The following AKAP13 variants were observed in gnomAD, a reference collection of about 807,000 sequenced individuals.
The protein encoded by AKAP13 is A-kinase anchor protein 13.
AKAP13 carries 80 observed loss-of-function variants against 264.5 expected under a neutral mutation model. That is an observed-to-expected ratio of 0.30 (90% CI 0.25 to 0.36). AKAP13 has a LOEUF of 0.36. AKAP13 is among the 10% of genes least tolerant of loss of function. The pLI, the probability that AKAP13 is intolerant of heterozygous loss-of-function variation, is 1.00. For synonymous variants in AKAP13, 1,380 were observed against 1,250.2 expected, an observed-to-expected ratio of 1.10 and a Z score of -2.19; for missense variants, 3,712 against 3,435.2, an observed-to-expected ratio of 1.08 and a Z score of -2.01.
At chr15:85,726,698 G>A (rs1471109469) in intron 27 of AKAP13, among the ~76,000 whole-genome samples, 1 of 152,100 alleles carries the variant, frequency 6.6e-6, no homozygotes, top group Non-Finnish European at 1.5e-5. Flanking sequence ...TTCTTTTAGT[G>A]TCTTGGACAT....
chr15:85,400,077 G>A (rs1421906323), intron 1 of AKAP13, among the ~76,000 whole-genome samples: 1 of 152,164 alleles, frequency 6.6e-6, no homozygotes, highest in East Asian at 1.9e-4. Flanking sequence ...GGGATTACAG[G>A]CATGAGCCAC....
rs149274352 is a variant in AKAP13 at position 85,571,950 on chromosome 15, C to T, written c.663-3181C>T. ...AATTGGGAGATTGAAGGGTTAGTACCTGGAGGTAATTGTGACAACAAAAGC... is the reference window on the plus strand; with the variant it reads ...AATTGGGAGATTGAAGGGTTAGTACTTGGAGGTAATTGTGACAACAAAAGC... On this transcript the variant is annotated intron_variant, in intron 5 of 36. Transcript: ENST00000394518. Among the ~76,000 whole-genome samples, 1,415 of 152,208 alleles carry T rather than the reference C, an allele frequency of 9.3e-3. 11 individuals carry two copies. Among genetic ancestry groups the T allele is most frequent in the Non-Finnish European group, 0.014 (936 of 68,004 alleles).
At chr15:85,395,906 A>G (rs1311445188) in intron 1 of AKAP13, among the ~76,000 whole-genome samples, 2 of 152,034 alleles carry the variant, frequency 1.3e-5, no homozygotes, top group African/African-American at 2.4e-5. Context: ...CTTGAGGGCA[A>G]ATTTTATCTG....
intron 1 of AKAP13, among the ~76,000 whole-genome samples, chr15:85,430,501 A>G (rs1462526963): frequency 6.6e-6 from 1 of 152,194 alleles, no homozygotes; most frequent in African/African-American, 2.4e-5. Flanking sequence ...AGTGATTGGA[A>G]TGCTAGTGGC....
intron 33 of AKAP13, among the ~76,000 whole-genome samples, chr15:85,739,860 A>C (rs1192185313): frequency 1.3e-5 from 2 of 152,166 alleles, no homozygotes; most frequent in Non-Finnish European, 2.9e-5. Context: ...TATTCTTTCC[A>C]TTAATTTGAA....
chr15:85,460,493 T>G (rs2074469750), intron 1 of AKAP13, among the ~76,000 whole-genome samples: 1 of 152,226 alleles, frequency 6.6e-6, no homozygotes, highest in Non-Finnish European at 1.5e-5. Context: ...CCATTTATGA[T>G]ACTTTCTGTG....
At chr15:85,726,530 G>C in intron 27 of AKAP13, 44 bp downstream of exon 27, 1 of 1,520,840 alleles carries the variant, frequency 6.6e-7, no homozygotes, top group Non-Finnish European at 9.1e-7. Flanking sequence ...TAAGCAGCTA[G>C]TTTAGTTATG....
chr15:85,673,632 A>G (rs78169991), intron 14 of AKAP13, among the ~76,000 whole-genome samples: 3,228 of 147,394 alleles, frequency 0.022, 62 homozygotes, highest in Middle Eastern at 0.049. Flanking sequence ...CATGTATAGA[A>G]TTCAGTTATT....
intron 1 of AKAP13, among the ~76,000 whole-genome samples, chr15:85,426,955 G>GTTTTTTTTTTTTTTTTT (rs71468105): frequency 8.0e-6 from 1 of 125,094 alleles, no homozygotes; most frequent in Admixed American, 8.5e-5. Flanking sequence ...GTTTTGTTTT[G>GTTTTTTTTTTTTTTTTT]TTTTTTTTTT....
At chr15:85,397,668 T>G (rs1049265670) in intron 1 of AKAP13, among the ~76,000 whole-genome samples, 3 of 152,188 alleles carry the variant, frequency 2.0e-5, no homozygotes, top group Non-Finnish European at 4.4e-5. Flanking sequence ...TTTATGATTT[T>G]ACCAGAAAAG....
At chr15:85,433,600 T>A (rs2073124626) in intron 1 of AKAP13, among the ~76,000 whole-genome samples, 1 of 152,122 alleles carries the variant, frequency 6.6e-6, no homozygotes, top group African/African-American at 2.4e-5. Flanking sequence ...TCATCCCTTC[T>A]TGGTATTAGC....
rs780739985 is a variant in AKAP13 at position 85,581,005 on chromosome 15, G to A, written c.2937G>A (p.Gln979=). 7 of 1,613,744 alleles carry A rather than the reference G, an allele frequency of 4.3e-6. No homozygotes were observed. The Admixed American group carries it at 1.2e-4, about 27-fold the overall frequency. The change falls in exon 7 of 37, where the codon CAG becomes CAA. Residue 979 remains glutamine (Q), a synonymous_variant. Transcript: ENST00000394518. ...ACTGTGCCAAGGACAAAGCACTTCAGCTAAGTAATTCACCGGGTGCATCCT... is the reference window on the plus strand; with the variant it reads ...ACTGTGCCAAGGACAAAGCACTTCAACTAAGTAATTCACCGGGTGCATCCT... The part of the protein sequence containing the change: ...SADCAKDKAL[Q]LSNSPGASSA...
Position 85,655,731 on chromosome 15 carries a change from G to A in AKAP13, c.4689G>A (p.Arg1563=). Residue 1563 remains arginine, a synonymous_variant, in exon 11 of 37, where the codon AGG becomes AGA. Coordinates refer to ENST00000394518, the MANE Select transcript of AKAP13 (RefSeq NM_007200.5). ...TGCGCTCTCTTTCTCCCTTCCGGAG[G>A]CACAGCTGGGGGCCTGGGAAAAATG... ...SSMRSLSPFR[R]HSWGPGKNAA... 1 of 1,613,668 alleles carries A rather than the reference G, an allele frequency of 6.2e-7. No homozygotes were observed. The highest frequency in any genetic ancestry group is 8.5e-7 in the Non-Finnish European group (1 of 1,179,600).
At chr15:85,400,153 A>G (rs1263432300) in intron 1 of AKAP13, among the ~76,000 whole-genome samples, 1 of 152,128 alleles carries the variant, frequency 6.6e-6, no homozygotes, top group African/African-American at 2.4e-5. Context: ...TAATCTCAGC[A>G]TTTTGAGAGG....
chr15:85,422,342 G>A (rs950529096), intron 1 of AKAP13, among the ~76,000 whole-genome samples: 3 of 152,146 alleles, frequency 2.0e-5, no homozygotes, highest in African/African-American at 7.2e-5. Context: ...GGAGATGATG[G>A]TTACATGATC....
At chr15:85,687,450 C>G (rs980208714) in intron 16 of AKAP13, among the ~76,000 whole-genome samples, 1 of 152,116 alleles carries the variant, frequency 6.6e-6, no homozygotes, top group African/African-American at 2.4e-5. Flanking sequence ...ATCAGTTGAC[C>G]TCTTGTCTCT....
At chr15:85,537,458 TTTAA>T (rs2077439435) in intron 4 of AKAP13, among the ~76,000 whole-genome samples, 1 of 152,216 alleles carries the variant, frequency 6.6e-6, no homozygotes, top group Non-Finnish European at 1.5e-5. Flanking sequence ...CTCCTACTGT[TTTAA>T]TTGTTTAGTT....
intron 9 of AKAP13, among the ~76,000 whole-genome samples, chr15:85,642,881 C>G (rs950725813): frequency 2.0e-5 from 3 of 152,106 alleles, no homozygotes; most frequent in African/African-American, 7.2e-5. Flanking sequence ...CTGTGACAGC[C>G]CTTTCTTTTC....
Position 85,669,796 on chromosome 15 carries a change from C to G in AKAP13, c.5067C>G (p.Ile1689Met). ...TTTCCTCTCCATTGACAAAATCCAT[C>G]TCATTAATGACAATCAGCCATCCTG... ...SAISSPLTKS[I>M]SLMTISHPGL... is the part of the protein sequence containing the mutation. The change falls in exon 14 of 37, where the codon ATC becomes ATG. Residue 1689 changes from isoleucine (I) to methionine (M), a missense_variant. Transcript: ENST00000394518. 1 of 1,612,890 alleles carries G rather than the reference C, an allele frequency of 6.2e-7. No homozygotes were observed. Among genetic ancestry groups the G allele is most frequent in the Non-Finnish European group, 8.5e-7 (1 of 1,178,974 alleles).
Sources: allele counts gnomAD v4.1 joint callset (sites outside exome capture counted in the v4.1 genomes callset), GRCh38; gene constraint gnomAD v4.1.1; transcripts MANE v1.5; gene names NCBI Gene and HGNC (gene_info 2026-07-23, HGNC 2026-07-21).